Variants in CNKSR3 observed in about 807,000 individuals in gnomAD.
CNKSR3 encodes the protein connector enhancer of kinase suppressor of ras 3.
In CNKSR3, 36 loss-of-function variants were observed where a neutral mutation model predicts 67.7. The ratio of observed to expected loss-of-function variants is 0.53; its 90% confidence interval spans 0.41 to 0.70. CNKSR3 has a LOEUF of 0.70. Among genes scored for constraint, CNKSR3 ranks in the 30% least tolerant of loss-of-function variants. CNKSR3 has a pLI of 0.00. For synonymous variants in CNKSR3, 281 were observed against 271.4 expected (o/e 1.04, Z -0.35); for missense variants, 630 against 695.2 (o/e 0.91, Z 1.05).
chr6:154,500,466 ACTGT>A (rs1260487913), intron 1 of CNKSR3, among the ~76,000 whole-genome samples: 2 of 152,144 alleles, frequency 1.3e-5, no homozygotes, highest in East Asian at 3.8e-4. Flanking sequence ...GAGCTGACAG[ACTGT>A]CTCCTTTTGG....
At chr6:154,430,396 T>A (rs1317781418) in intron 6 of CNKSR3, 76 bp downstream of exon 6, 2 of 1,354,270 alleles carry the variant, frequency 1.5e-6, no homozygotes, top group Non-Finnish European at 2.0e-6. Flanking sequence ...GTGAAAGCAA[T>A]AAGGAATTTT....
intron 1 of CNKSR3, among the ~76,000 whole-genome samples, chr6:154,463,525 A>G (rs2128721235): frequency 6.6e-6 from 1 of 152,298 alleles, no homozygotes; most frequent in East Asian, 1.9e-4. Context: ...GTTCTTCAAC[A>G]CAAAATTCCC....
In CNKSR3 at chr6:154,456,640, G is replaced by C. The variant is rs144830460; in HGVS notation, c.53-6382C>G. 3.0e-3 allele frequency among the ~76,000 whole-genome samples: 433 copies of C among 146,196 alleles called. 1 individual carries two copies. Among genetic ancestry groups the C allele is most frequent in the African/African-American group, 0.01 (415 of 39,700 alleles). On this transcript the variant is annotated intron_variant, in intron 1 of 12. Transcript: ENST00000607772. ...GAGAATCAGTTGAACCTGGGAGATGGAGGTTGCAGTGAGCTGAGAACATGC... is the reference window on the plus strand; with the variant it reads ...GAGAATCAGTTGAACCTGGGAGATGCAGGTTGCAGTGAGCTGAGAACATGC...
At chr6:154,430,976 A>G (rs1323256170) in intron 5 of CNKSR3, among the ~76,000 whole-genome samples, 1 of 151,912 alleles carries the variant, frequency 6.6e-6, no homozygotes, top group Non-Finnish European at 1.5e-5. Context: ...AATTGTTTTG[A>G]GACTAAGCCA....
At chr6:154,452,067 G>C (rs1003599835) in intron 1 of CNKSR3, among the ~76,000 whole-genome samples, 2 of 152,168 alleles carry the variant, frequency 1.3e-5, no homozygotes, top group Non-Finnish European at 2.9e-5. Context: ...AATCGTCTGC[G>C]GGGGAGGCAG....
chr6:154,458,641 C>G (rs989245037), intron 1 of CNKSR3, among the ~76,000 whole-genome samples: 77 of 152,086 alleles, frequency 5.1e-4, no homozygotes, highest in Admixed American at 5.0e-3. Context: ...TGCCACTAAT[C>G]TGATTTCTAC....
chr6:154,409,155 A>T (rs887538470), intron 12 of CNKSR3, among the ~76,000 whole-genome samples: 1 of 152,160 alleles, frequency 6.6e-6, no homozygotes, highest in African/African-American at 2.4e-5. Context: ...TACTTAGGTG[A>T]CAAACTTTAC....
chr6:154,413,222 GTTTTTTGT>G (rs1414498872), intron 10 of CNKSR3, among the ~76,000 whole-genome samples: 1 of 151,256 alleles, frequency 6.6e-6, no homozygotes, highest in Non-Finnish European at 1.5e-5. Flanking sequence ...GAGTTTTTCT[GTTTTTTGT>G]TTTTTTGTTT....
Position 154,441,369 on chromosome 6 carries a change from T to C in CNKSR3, c.430A>G (p.Thr144Ala). 6.2e-7 allele frequency: 1 copy of C among 1,613,728 alleles called. No homozygotes were observed. The highest frequency in any genetic ancestry group is 8.5e-7 in the Non-Finnish European group (1 of 1,179,732). Residue 144 changes from threonine to alanine, a missense_variant, in exon 4 of 13, where the codon ACA (threonine) becomes GCA (alanine). Transcript: ENST00000607772. ...LLAWLDRAPF[T>A]GITDFSVTKN... ...GTGACTGAGAAATCAGTGATCCCTG[T>C]AAACGGAGCCCTAGAAGGTAGCAAC...
chr6:154,399,291 C>T lies in CNKSR3; in HGVS notation c.*7063G>A, dbSNP rs1221490453. The T allele has an allele frequency of 1.3e-5, 2 of 152,148 alleles. No individual in the cohort carries two copies. Among genetic ancestry groups the T allele is most frequent in the Non-Finnish European group, 2.9e-5 (2 of 68,038 alleles). The allele number at this position is 152,148 out of a possible 1,614,324, so 9.4% of individuals were successfully genotyped here. ...TTTCCTGTTGGCCAGCTCTGAATAC[C>T]TTATTCACTAGAGGCTGAGATGGAG... On this transcript the variant is annotated 3_prime_UTR_variant, in exon 13 of 13. Coordinates refer to ENST00000607772, the MANE Select transcript of CNKSR3 (RefSeq NM_173515.4).
At chr6:154,489,258 C>T (rs143395539) in intron 1 of CNKSR3, among the ~76,000 whole-genome samples, 10 of 152,220 alleles carry the variant, frequency 6.6e-5, no homozygotes, top group Admixed American at 1.3e-4. Context: ...CTGCTGGGCA[C>T]GATGACTCAC....
intron 2 of CNKSR3, among the ~76,000 whole-genome samples, chr6:154,443,850 C>A (rs1044766495): frequency 2.6e-5 from 4 of 151,998 alleles, no homozygotes; most frequent in Admixed American, 1.3e-4. Context: ...CAGAGAGAGA[C>A]CCTGTCTCAA....
chr6:154,424,580 C>T (rs1785216626), intron 7 of CNKSR3, among the ~76,000 whole-genome samples: 1 of 152,198 alleles, frequency 6.6e-6, no homozygotes, highest in South Asian at 2.1e-4. Flanking sequence ...TTGTGACAGG[C>T]TCAACGGGAA....
At chr6:154,468,904 C>G (rs148188778) in intron 1 of CNKSR3, among the ~76,000 whole-genome samples, 1,876 of 152,246 alleles carry the variant, frequency 0.012, 41 homozygotes, top group African/African-American at 0.043. Context: ...GCCTGTAATC[C>G]CAGCACTTTG....
chr6:154,497,067 G>A (rs1786893895), intron 1 of CNKSR3, among the ~76,000 whole-genome samples: 1 of 152,082 alleles, frequency 6.6e-6, no homozygotes, highest in Non-Finnish European at 1.5e-5. Context: ...GCCTTAGCAA[G>A]AGCCTGGCCC....
chr6:154,460,181 T>C (rs1482464699), intron 1 of CNKSR3, among the ~76,000 whole-genome samples: 3 of 152,184 alleles, frequency 2.0e-5, no homozygotes, highest in African/African-American at 7.2e-5. Context: ...TTTATGCTGA[T>C]CTAAATCACA....
At chr6:154,407,634 G>A (rs6940240) in intron 12 of CNKSR3, among the ~76,000 whole-genome samples, 72,018 of 151,608 alleles carry the variant, frequency 0.48, 17,482 homozygotes, top group East Asian at 0.64. Context: ...CCAAGTAGCT[G>A]GGACTACAGG....
intron 2 of CNKSR3, among the ~76,000 whole-genome samples, chr6:154,442,811 G>A (rs2128717872): frequency 6.6e-6 from 1 of 152,228 alleles, no homozygotes; most frequent in Non-Finnish European, 1.5e-5. Context: ...GGGCCTCAGG[G>A]ACTTTGTTCT....
At chr6:154,494,551 A>T (rs762319350) in intron 1 of CNKSR3, among the ~76,000 whole-genome samples, 74 of 152,352 alleles carry the variant, frequency 4.9e-4, no homozygotes, top group Non-Finnish European at 8.7e-4. Flanking sequence ...AATAATTTAT[A>T]AGAAAAACAA....
Sources: gnomAD v4.1 joint callset for allele counts (sites outside exome capture counted in the v4.1 genomes callset) on GRCh38, gnomAD v4.1.1 for gene constraint, MANE v1.5 for transcripts, NCBI Gene and HGNC (gene_info 2026-07-23, HGNC 2026-07-21) for gene names.